SLC4A4: variants seen among roughly 807,000 people sequenced by gnomAD.
SLC4A4 encodes electrogenic sodium bicarbonate cotransporter 1.
In SLC4A4, 27 loss-of-function variants were observed where a neutral mutation model predicts 111.5. That is an observed-to-expected ratio of 0.24 (90% CI 0.18 to 0.33). The LOEUF is 0.33. Ranked by LOEUF, SLC4A4 falls within the 10% of genes least tolerant of loss-of-function variation. The pLI, the probability that SLC4A4 is intolerant of heterozygous loss-of-function variation, is 1.00. For synonymous variants in SLC4A4, 443 were observed against 463.4 expected (o/e 0.96, Z 0.57); for missense variants, 909 against 1,315.5 (o/e 0.69, Z 4.78).
chr4:71,313,199 T>C (rs1021377592), intron 3 of SLC4A4, among the ~76,000 whole-genome samples: 1 of 152,036 alleles, frequency 6.6e-6, no homozygotes, highest in Non-Finnish European at 1.5e-5. Context: ...GAGAATAAAA[T>C]ACCGAGGAAT....
At chr4:71,076,121 CT>C (rs1428653139) in intron 1 of SLC4A4, among the ~76,000 whole-genome samples, 3 of 151,984 alleles carry the variant, frequency 2.0e-5, no homozygotes, top group African/African-American at 7.3e-5. Context: ...TATTTATTGT[CT>C]TTCTTCCTCA....
chr4:71,468,851 G>GT (rs1172592623), intron 13 of SLC4A4, among the ~76,000 whole-genome samples: 4 of 151,838 alleles, frequency 2.6e-5, no homozygotes, highest in African/African-American at 9.7e-5. Context: ...AAGTCCTTCA[G>GT]TTAAGAACTA....
intron 7 of SLC4A4, among the ~76,000 whole-genome samples, chr4:71,420,280 T>G (rs1375316471): frequency 6.6e-6 from 1 of 152,000 alleles, no homozygotes; most frequent in Non-Finnish European, 1.5e-5. Context: ...AAGGGAAATT[T>G]AGAGAAAAAA....
chr4:71,133,779 G>A (rs367754095), intron 2 of SLC4A4, among the ~76,000 whole-genome samples: 8 of 152,138 alleles, frequency 5.3e-5, no homozygotes, highest in South Asian at 2.1e-4. Context: ...TATGGCTGTC[G>A]CTGCCCTGAT....
At chr4:71,198,174 C>T (rs962924815) in intron 1 of SLC4A4, among the ~76,000 whole-genome samples, 4 of 152,156 alleles carry the variant, frequency 2.6e-5, no homozygotes, top group African/African-American at 9.7e-5. Flanking sequence ...TTCTATACAT[C>T]TCTGTTAGGT....
intron 1 of SLC4A4, among the ~76,000 whole-genome samples, chr4:71,204,954 C>T (rs1398196662): frequency 3.3e-5 from 5 of 152,164 alleles, no homozygotes; most frequent in Non-Finnish European, 5.9e-5. Flanking sequence ...TTAACACGTA[C>T]ATCTTAACAC....
rs940989733 is a variant in SLC4A4 at position 71,339,476 on chromosome 4, G to C, written c.360G>C (p.Gly120=). 1.2e-6 allele frequency: 2 copies of C among 1,613,890 alleles called. No homozygotes were observed. The highest frequency in any genetic ancestry group is 8.5e-7 in the Non-Finnish European group (1 of 1,180,038). Reference sequence around the variant, plus strand: ...TGGATGAGCTGCTGGCCGTGGATGGGCAGGAGATGGAGTGGAAGGAAACAG... The same window carrying C: ...TGGATGAGCTGCTGGCCGTGGATGGCCAGGAGATGGAGTGGAAGGAAACAG... ...TELDELLAVD[G]QEMEWKETAR... is the part of the protein sequence containing the mutation. The change falls in exon 4 of 26, where the codon GGG becomes GGC. Residue 120 remains glycine (G), a synonymous_variant. Coordinates refer to ENST00000264485, the MANE Select transcript of SLC4A4 (RefSeq NM_001098484.3).
chr4:71,423,134 G>C (rs1722726519), intron 7 of SLC4A4, among the ~76,000 whole-genome samples: 1 of 152,198 alleles, frequency 6.6e-6, no homozygotes, highest in African/African-American at 2.4e-5. Flanking sequence ...AGCAACTTCA[G>C]CAAAGTCTCA....
chr4:71,337,781 C>T (rs1728549122), intron 3 of SLC4A4, among the ~76,000 whole-genome samples: 1 of 148,994 alleles, frequency 6.7e-6, no homozygotes, highest in African/African-American at 2.4e-5. Flanking sequence ...AAACCCTTGC[C>T]CACGTTGGGA....
intron 3 of SLC4A4, among the ~76,000 whole-genome samples, chr4:71,284,923 G>A (rs1207334926): frequency 6.6e-6 from 1 of 152,140 alleles, no homozygotes; most frequent in Non-Finnish European, 1.5e-5. Context: ...TAACAGACTG[G>A]TGCCCTCAAT....
chr4:71,523,861 G>T (rs1392305368), intron 16 of SLC4A4, among the ~76,000 whole-genome samples: 2 of 152,054 alleles, frequency 1.3e-5, no homozygotes, highest in African/African-American at 4.8e-5. Context: ...TCTATTAGAG[G>T]TTCAAGGAAT....
intron 3 of SLC4A4, among the ~76,000 whole-genome samples, chr4:71,304,796 A>G (rs905476975): frequency 2.0e-5 from 3 of 152,232 alleles, no homozygotes; most frequent in Admixed American, 2.0e-4. Flanking sequence ...GATTAAAAAG[A>G]GATAGTAAAA....
intron 18 of SLC4A4, among the ~76,000 whole-genome samples, chr4:71,543,447 T>C (rs1331868383): frequency 6.6e-6 from 1 of 152,112 alleles, no homozygotes; most frequent in African/African-American, 2.4e-5. Context: ...AGAGTACTTA[T>C]CTATCTGTAA....
intron 23 of SLC4A4, among the ~76,000 whole-genome samples, chr4:71,563,350 C>A (rs1292333966): frequency 8.1e-6 from 1 of 122,720 alleles, no homozygotes; most frequent in Non-Finnish European, 1.8e-5. Context: ...GTCACTTGTT[C>A]TAGAAGGAAA....
intron 6 of SLC4A4, among the ~76,000 whole-genome samples, chr4:71,372,986 T>C (rs1052064148): frequency 1.3e-5 from 2 of 152,214 alleles, no homozygotes; most frequent in African/African-American, 4.8e-5. Flanking sequence ...AAAATTTTTC[T>C]TTGAGCATTT....
At chr4:71,291,571 C>T (rs1282351043) in intron 3 of SLC4A4, among the ~76,000 whole-genome samples, 3 of 151,978 alleles carry the variant, frequency 2.0e-5, no homozygotes, top group Admixed American at 1.3e-4. Context: ...TCCCGATTAG[C>T]AAGGACTACA....
intron 3 of SLC4A4, among the ~76,000 whole-genome samples, chr4:71,295,632 TTCCTC>T (rs200590716): frequency 1.5e-4 from 22 of 151,366 alleles, no homozygotes; most frequent in African/African-American, 3.2e-4. Context: ...ATTTCTTCCT[TTCCTC>T]TCCTCTCCTC....
intron 25 of SLC4A4, 88 bp downstream of exon 25, chr4:71,567,171 T>G: frequency 9.7e-7 from 1 of 1,032,926 alleles, no homozygotes; most frequent in Non-Finnish European, 1.5e-6. Flanking sequence ...ACAGAACTTC[T>G]TGTTCTCCTT....
intron 6 of SLC4A4, among the ~76,000 whole-genome samples, chr4:71,384,295 T>C (rs1225843204): frequency 6.6e-6 from 1 of 152,190 alleles, no homozygotes; most frequent in Admixed American, 6.5e-5. Context: ...TTTCTCAGAC[T>C]TACAGCACTT....
Sources: gnomAD v4.1 joint callset for allele counts (sites outside exome capture counted in the v4.1 genomes callset) on GRCh38, gnomAD v4.1.1 for gene constraint, MANE v1.5 for transcripts, NCBI Gene and HGNC (gene_info 2026-07-23, HGNC 2026-07-21) for gene names.